Variants in GNG7 observed in about 807,000 individuals in gnomAD.
GNG7 encodes guanine nucleotide-binding protein G(I)/G(S)/G(O) subunit gamma-7.
Under a neutral mutation model 4.0 loss-of-function variants are expected in GNG7, and 1 was observed. The ratio of observed to expected loss-of-function variants is 0.25; its 90% CI spans 0.09 to 1.18. GNG7 has a LOEUF of 1.18. Among genes scored for constraint, GNG7 ranks in the 50% most tolerant of loss-of-function variants. The pLI is 0.50. For synonymous variants in GNG7, 34 were observed against 36.9 expected (o/e 0.92, Z 0.29); for missense variants, 86 against 91.9 (o/e 0.94, Z 0.26).
rs1035329659 is a variant in GNG7 at position 2,633,705 on chromosome 19, T to C, written c.-78+12519A>G. ...GTGGGCTTGAAAACGGGTGTCTGTTTACCGGGGCTTGAGTGGGAGCTGTAG... is the reference window on the plus strand; with the variant it reads ...GTGGGCTTGAAAACGGGTGTCTGTTCACCGGGGCTTGAGTGGGAGCTGTAG... On this transcript the variant is annotated intron_variant, in intron 2 of 4. Transcript: ENST00000382159. This position sits in a 1 kb window ranked among gnomAD's most constrained non-coding sequence, Gnocchi z 5.9. 5.3e-5 allele frequency among the ~76,000 whole-genome samples: 8 copies of C among 151,838 alleles called. No individual in the cohort carries two copies. The highest frequency in any genetic ancestry group is 1.9e-4 in the African/African-American group (8 of 41,336).
At chr19:2,568,666 C>T (rs924434918) in intron 2 of GNG7, among the ~76,000 whole-genome samples, 1 of 136,788 alleles carries the variant, frequency 7.3e-6, no homozygotes, top group Non-Finnish European at 1.6e-5. Context: ...TATACACATA[C>T]ACATACACAT....
At chr19:2,515,227 A>G (rs1972716871) in intron 4 of GNG7, 80 bp from the exon 5 acceptor site, 2 of 1,580,296 alleles carry the variant, frequency 1.3e-6, no homozygotes, top group East Asian at 2.2e-5. Flanking sequence ...CACCATTCCC[A>G]AGAGCCACAG....
chr19:2,697,206 GT>G (rs1913287474), intron 1 of GNG7, among the ~76,000 whole-genome samples: 1 of 152,210 alleles, frequency 6.6e-6, no homozygotes, highest in Non-Finnish European at 1.5e-5. Flanking sequence ...AGGTCTGAAT[GT>G]TATGAAGTGT....
rs1972716911 is a variant in GNG7, at chr19:2,515,229, G to A, written c.82-82C>T. ...GGGTTCACAGCAGCACCATTCCCAA[G>A]AGCCACAGGCGGAAACAGCTCAGGA... is the stretch of plus-strand genomic sequence containing the variant. On this transcript the variant is annotated intron_variant, in intron 4 of 4. Transcript: ENST00000382159. 3.8e-6 allele frequency: 6 copies of A among 1,577,290 alleles called. No individual in the cohort carries two copies. The Admixed American group carries it at 1.1e-4, about 28-fold the overall frequency.
In GNG7 at chr19:2,589,371, C is replaced by CTT. The variant is rs33940288; in HGVS notation, c.-77-34185_-77-34184dup. ...CCAGGTAGCTGGGACTACAGGTGCA[C>CTT]TTTTTTTTTTTTTTTTTTTTTTTTA... is the stretch of plus-strand genomic sequence containing the variant. On this transcript the variant is annotated intron_variant, in intron 2 of 4. Coordinates refer to ENST00000382159, the MANE Select transcript of GNG7 (RefSeq NM_052847.3). 9.7e-3 allele frequency among the ~76,000 whole-genome samples: 972 copies of CTT among 100,552 alleles called. 16 individuals are homozygous for CTT. The highest frequency in any genetic ancestry group is 0.032 in the African/African-American group (846 of 26,772). The allele number at this position is 100,552 out of a possible 152,430, so 66.0% of individuals were successfully genotyped here.
intron 4 of GNG7, among the ~76,000 whole-genome samples, chr19:2,519,946 G>T (rs969406960): frequency 6.6e-6 from 1 of 152,326 alleles, no homozygotes; most frequent in East Asian, 1.9e-4. Context: ...TTGGGAGGCC[G>T]AGGCAGGCGG....
chr19:2,595,424 G>C (rs1980987937), intron 2 of GNG7: 1 of 151,994 alleles, frequency 6.6e-6, no homozygotes, highest in Non-Finnish European at 1.5e-5. Flanking sequence ...GAGCCACCAT[G>C]CCCGGCTGAA....
chr19:2,566,999 A>G (rs1271989100), intron 2 of GNG7, among the ~76,000 whole-genome samples: 1 of 151,818 alleles, frequency 6.6e-6, no homozygotes, highest in Non-Finnish European at 1.5e-5. Flanking sequence ...CAGCTACTCG[A>G]GAGGCTGAGG....
chr19:2,696,495 T>C (rs1288603066), intron 1 of GNG7, among the ~76,000 whole-genome samples: 2 of 152,214 alleles, frequency 1.3e-5, no homozygotes, highest in African/African-American at 2.4e-5. Flanking sequence ...GTGGACTGCC[T>C]GTGCCCAGGA....
chr19:2,572,751 G>A (rs1274065960), intron 2 of GNG7, among the ~76,000 whole-genome samples: 1 of 151,858 alleles, frequency 6.6e-6, no homozygotes, highest in Non-Finnish European at 1.5e-5. Flanking sequence ...GAACCAGCAT[G>A]CACGGCTAAC....
intron 2 of GNG7, among the ~76,000 whole-genome samples, chr19:2,638,105 C>G (rs190487772): frequency 2.0e-5 from 3 of 152,128 alleles, no homozygotes; most frequent in Admixed American, 2.0e-4. Flanking sequence ...TGGCTCACGC[C>G]TGTCACCCCA....
intron 1 of GNG7, among the ~76,000 whole-genome samples, chr19:2,655,889 G>T (rs1165419958): frequency 6.7e-6 from 1 of 148,424 alleles, no homozygotes; most frequent in Non-Finnish European, 1.5e-5. Context: ...AGCCAGGCGT[G>T]GTGGTGGGCA....
At chr19:2,690,914 T>A (rs1222120516) in intron 1 of GNG7, among the ~76,000 whole-genome samples, 1 of 152,164 alleles carries the variant, frequency 6.6e-6, no homozygotes, top group Non-Finnish European at 1.5e-5. Flanking sequence ...AACTATAGGA[T>A]ACCACAATGG....
At chr19:2,576,398 C>T (rs542908841) in intron 2 of GNG7, among the ~76,000 whole-genome samples, 38 of 152,324 alleles carry the variant, frequency 2.5e-4, no homozygotes, top group Admixed American at 5.9e-4. Flanking sequence ...CACCGTGGTC[C>T]CTGGATGCTT....
At chr19:2,532,065 G>A (rs1978609490) in intron 3 of GNG7, among the ~76,000 whole-genome samples, 1 of 151,434 alleles carries the variant, frequency 6.6e-6, no homozygotes, top group Non-Finnish European at 1.5e-5. Context: ...GCAGGAGAAT[G>A]GCATGAACCC....
At chr19:2,542,602 G>A (rs1251685221) in intron 3 of GNG7, among the ~76,000 whole-genome samples, 4 of 152,168 alleles carry the variant, frequency 2.6e-5, no homozygotes, top group Admixed American at 1.3e-4. Context: ...GGGAGACCCT[G>A]GGCAGAGGAC....
intron 2 of GNG7, among the ~76,000 whole-genome samples, chr19:2,596,906 G>A (rs981698776): frequency 1.3e-5 from 2 of 151,862 alleles, no homozygotes; most frequent in African/African-American, 4.8e-5. Flanking sequence ...CTTTTTTTAT[G>A]GATTAAGCCC....
intron 3 of GNG7, among the ~76,000 whole-genome samples, chr19:2,528,835 G>T (rs1978496707): frequency 6.6e-6 from 1 of 152,224 alleles, no homozygotes; most frequent in African/African-American, 2.4e-5. Flanking sequence ...CCTGTGTGAG[G>T]AAACAGGGGT....
At chr19:2,654,782 C>A (rs779056144) in intron 1 of GNG7, among the ~76,000 whole-genome samples, 23 of 150,768 alleles carry the variant, frequency 1.5e-4, no homozygotes, top group Non-Finnish European at 2.4e-4. Flanking sequence ...GGGTCTCCCC[C>A]CTCTGCACTG....
Sources: gnomAD v4.1 joint callset for allele counts (sites outside exome capture counted in the v4.1 genomes callset) on GRCh38, gnomAD v4.1.1 for gene constraint, Gnocchi (gnomAD v3.1) non-coding constraint, MANE v1.5 for transcripts, NCBI Gene and HGNC (gene_info 2026-07-23, HGNC 2026-07-21) for gene names.